IFIT5: variants seen among roughly 807,000 people sequenced by gnomAD.
IFIT5 encodes the protein interferon induced protein with tetratricopeptide repeats 5, also known as interferon-induced protein with tetratricopeptide repeats 5.
Under a neutral mutation model 5.0 loss-of-function variants are expected in IFIT5, and 2 were observed. The observed-to-expected ratio is 0.40, with a 90% confidence interval of 0.16 to 1.26. IFIT5 has a LOEUF of 1.26. Among genes scored for constraint, IFIT5 ranks in the 50% most tolerant of loss-of-function variants. IFIT5 has a pLI of 0.33. For synonymous variants in IFIT5, 206 were observed against 204.6 expected, an observed-to-expected ratio of 1.01 and a Z score of -0.06; for missense variants, 524 against 563.2, an observed-to-expected ratio of 0.93 and a Z score of 0.70.
At position 89,417,627 on chromosome 10, in the gene IFIT5, A is replaced by G; in HGVS notation, c.428A>G (p.Glu143Gly). The change falls in exon 2 of 2, where the codon GAG becomes GGG. Residue 143 changes from glutamate (E) to glycine (G), a missense_variant. Coordinates refer to ENST00000371795, the MANE Select transcript of IFIT5 (RefSeq NM_012420.3). ...TTGGAGTGTCCTGAGACTGACTGTG[A>G]GAAAGGCTGGGCACTCTTGAAATTT... ...YKLECPETDC[E>G]KGWALLKFGG... 1.2e-6 allele frequency: 2 copies of G among 1,614,236 alleles called. No individual in the cohort carries two copies. Among genetic ancestry groups the G allele is most frequent in the Non-Finnish European group, 1.7e-6 (2 of 1,180,046 alleles).
Position 89,418,572 on chromosome 10 carries a change from A to G in IFIT5, c.1373A>G (p.Tyr458Cys), listed in dbSNP as rs1171490353. The G allele has an allele frequency of 1.2e-6, 2 of 1,614,160 alleles. No individual in the cohort carries two copies. The highest frequency in any genetic ancestry group is 2.2e-5 in the South Asian group (2 of 91,080). The part of the protein sequence containing the change: ...EGEKRQAAEY[Y>C]EKAQKIDPEN... ...GAAAAGAGGCAAGCTGCTGAGTACT[A>G]TGAGAAGGCACAAAAGATAGATCCA... is the stretch of plus-strand genomic sequence containing the variant. Residue 458 changes from tyrosine to cysteine, a missense_variant, in exon 2 of 2, where the codon TAT (tyrosine) becomes TGT (cysteine). By Grantham distance (194) the Tyr-to-Cys change is radical (BLOSUM62 -2). Transcript: ENST00000371795.
intron 1 of IFIT5, among the ~76,000 whole-genome samples, chr10:89,415,179 C>T (rs1329514656): frequency 6.6e-6 from 1 of 152,222 alleles, no homozygotes; most frequent in Non-Finnish European, 1.5e-5. Context: ...GCCTGTCCAC[C>T]CATCGCGACC....
At position 89,420,170 on chromosome 10, in the gene IFIT5, C is replaced by CAT. The variant is rs1841584549; in HGVS notation, c.*1528_*1529dup. On this transcript the variant is annotated 3_prime_UTR_variant, in exon 2 of 2. Coordinates refer to ENST00000371795, the MANE Select transcript of IFIT5 (RefSeq NM_012420.3). ...TTTTTTCTATGCGTAATCAGACATA[C>CAT]ATATATACTGCAGTGTATCTCACGT... The CAT allele has an allele frequency of 6.6e-6, 1 of 152,122 alleles. No homozygotes were observed. The highest frequency in any genetic ancestry group is 2.4e-5 in the African/African-American group (1 of 41,432). 9.4% of individuals were successfully genotyped at this position (152,122 alleles called of 1,614,324 possible).
At chr10:89,415,619 G>A (rs2133651132) in intron 1 of IFIT5, among the ~76,000 whole-genome samples, 1 of 152,278 alleles carries the variant, frequency 6.6e-6, no homozygotes, top group South Asian at 2.1e-4. Flanking sequence ...CGCCCTGCAC[G>A]TGGTTAGTGA....
In IFIT5 at chr10:89,417,600, A is replaced by T. The variant is rs145756702; in HGVS notation, c.401A>T (p.Lys134Met). 159 of 1,614,224 alleles carry T rather than the reference A, an allele frequency of 9.8e-5. No individual in the cohort carries two copies. The highest frequency in any genetic ancestry group is 1.6e-4 in the Middle Eastern group (1 of 6,062). ...AAATTGTCCAGTCCTTCTAACTACA[A>T]GTTGGAGTGTCCTGAGACTGACTGT... The part of the protein sequence containing the change: ...CKKLSSPSNY[K>M]LECPETDCEK... The change falls in exon 2 of 2, where the codon AAG (lysine) becomes ATG (methionine). Residue 134 changes from lysine (K) to methionine (M), a missense_variant. By Grantham distance (95) the Lys-to-Met change is moderately conservative (BLOSUM62 -1). Coordinates refer to ENST00000371795, the MANE Select transcript of IFIT5 (RefSeq NM_012420.3).
chr10:89,417,200 G>A lies in IFIT5; in HGVS notation c.6-5G>A. On this transcript the variant is annotated splice_polypyrimidine_tract_variant and splice_region_variant and intron_variant, in intron 1 of 1. Transcript: ENST00000371795. ...AAAAATTAAAAAGTATTTTATCTTTGACAGTGAAATTCGTAAGGACACCTT... is the reference window on the plus strand; with the variant it reads ...AAAAATTAAAAAGTATTTTATCTTTAACAGTGAAATTCGTAAGGACACCTT... 1 of 1,560,176 alleles carries A rather than the reference G, an allele frequency of 6.4e-7. No homozygotes were observed.
At chr10:89,416,048 G>A (rs917197638) in intron 1 of IFIT5, among the ~76,000 whole-genome samples, 1 of 152,062 alleles carries the variant, frequency 6.6e-6, no homozygotes, top group African/African-American at 2.4e-5. Flanking sequence ...TCAGCTTCCC[G>A]TGTAGCTGGG....
chr10:89,417,806 C>T lies in IFIT5; in HGVS notation c.607C>T (p.Pro203Ser), dbSNP rs138567361. 3.1e-6 allele frequency: 5 copies of T among 1,613,972 alleles called. No homozygotes were observed. Among genetic ancestry groups the T allele is most frequent in the Admixed American group, 3.3e-5 (2 of 60,000 alleles). ...EGSVKSFSLGPLRKAVTLNPD... is the reference protein window; with the variant it reads ...EGSVKSFSLGSLRKAVTLNPD... ...GTCTGTAAAGAGCTTTTCTCTGGGG[C>T]CTTTGAGAAAGGCTGTTACCCTGAA... Residue 203 changes from proline (P) to serine (S), a missense_variant, in exon 2 of 2, where the codon CCT (proline) becomes TCT (serine). By Grantham distance (74) the Pro-to-Ser change is moderately conservative. Coordinates refer to ENST00000371795, the MANE Select transcript of IFIT5 (RefSeq NM_012420.3).
rs537774876 is a variant in IFIT5 at position 89,418,584 on chromosome 10, A to G, written c.1385A>G (p.Gln462Arg). The change falls in exon 2 of 2, where the codon CAA becomes CGA. Residue 462 changes from glutamine (Q) to arginine (R), a missense_variant. Gln to Arg is a conservative substitution (Grantham distance 43, BLOSUM62 1). Transcript: ENST00000371795. ...GCTGCTGAGTACTATGAGAAGGCAC[A>G]AAAGATAGATCCAGAAAATGCAGAA... The part of the protein sequence containing the change: ...RQAAEYYEKA[Q>R]KIDPENAEFL... 6.2e-7 allele frequency: 1 copy of G among 1,614,172 alleles called. No individual in the cohort carries two copies. Among genetic ancestry groups the G allele is most frequent in the Admixed American group, 1.7e-5 (1 of 60,030 alleles).
At position 89,417,806 on chromosome 10, in the gene IFIT5, C is replaced by A. The variant is rs138567361; in HGVS notation, c.607C>A (p.Pro203Thr). ...EGSVKSFSLG[P>T]LRKAVTLNPD... ...GTCTGTAAAGAGCTTTTCTCTGGGG[C>A]CTTTGAGAAAGGCTGTTACCCTGAA... Residue 203 changes from proline (P) to threonine (T), a missense_variant, in exon 2 of 2, where the codon CCT becomes ACT. By Grantham distance (38) the Pro-to-Thr change is conservative (BLOSUM62 -1). Transcript: ENST00000371795. 1.2e-4 allele frequency: 193 copies of A among 1,613,972 alleles called. No homozygotes were observed. The highest frequency in any genetic ancestry group is 1.6e-4 in the Non-Finnish European group (183 of 1,180,018).
rs761267068 is a variant in IFIT5 at position 89,417,985 on chromosome 10, A to AAATTC, written c.787_791dup (p.Trp265IlefsTer10). On this transcript the variant is annotated frameshift_variant, in exon 2 of 2. Coordinates refer to ENST00000371795, the MANE Select transcript of IFIT5 (RefSeq NM_012420.3). LOFTEE classifies it low-confidence loss of function (END_TRUNC). ...ATGCAGCCAAGTTCTATAGGAGAAA[A>AAATTC]AATTCCTGGAACAAAGCTCTCGAAC... The AAATTC allele has an allele frequency of 1.6e-5, 26 of 1,614,050 alleles. No individual in the cohort carries two copies. The highest frequency in any genetic ancestry group is 2.1e-5 in the Non-Finnish European group (25 of 1,180,030).
In IFIT5 at chr10:89,419,425, A is replaced by G. The variant is rs1841578088; in HGVS notation, c.*777A>G. The G allele has an allele frequency of 6.6e-6, 1 of 152,092 alleles. No homozygotes were observed. Among genetic ancestry groups the G allele is most frequent in the Non-Finnish European group, 1.5e-5 (1 of 68,008 alleles). 9.4% of individuals were successfully genotyped at this position (152,092 alleles called of 1,614,324 possible). On this transcript the variant is annotated 3_prime_UTR_variant, in exon 2 of 2. Coordinates refer to ENST00000371795, the MANE Select transcript of IFIT5 (RefSeq NM_012420.3). ...GATGCAATTAATTTTATTCCTTCCA[A>G]CTAAAATTACAATATTTTTAGGTTA...
In IFIT5 at chr10:89,417,603, T is replaced by C; in HGVS notation, c.404T>C (p.Leu135Ser). 6.2e-7 allele frequency: 1 copy of C among 1,614,236 alleles called. No individual in the cohort carries two copies. ...TTGTCCAGTCCTTCTAACTACAAGT[T>C]GGAGTGTCCTGAGACTGACTGTGAG... ...KKLSSPSNYK[L>S]ECPETDCEKG... Residue 135 changes from leucine (L) to serine (S), a missense_variant, in exon 2 of 2, where the codon TTG (leucine) becomes TCG (serine). Leu to Ser is a moderately radical substitution (Grantham distance 145). Coordinates refer to ENST00000371795, the MANE Select transcript of IFIT5 (RefSeq NM_012420.3).
chr10:89,420,488 G>T lies in IFIT5; in HGVS notation c.*1840G>T, dbSNP rs1448271639. The stretch of plus-strand genomic sequence containing the variant: ...TACTCAGACAGTTAATCATAGAAAA[G>T]ATTATTTGCTTCATCAGTTCATAGA... On this transcript the variant is annotated 3_prime_UTR_variant, in exon 2 of 2. Transcript: ENST00000371795. The T allele has an allele frequency of 4.6e-5, 7 of 152,260 alleles. No homozygotes were observed. The South Asian group carries it at 1.5e-3, about 32-fold the overall frequency. 9.4% of individuals were successfully genotyped at this position (152,260 alleles called of 1,614,324 possible).
rs2133656681 is a variant in IFIT5 at position 89,420,013 on chromosome 10, C to T, written c.*1365C>T. ...GATTATTATAAAAATAATGAATTCT[C>T]ACTGTAAATTTCAAAAAAAAATTAC... On this transcript the variant is annotated 3_prime_UTR_variant, in exon 2 of 2. Transcript: ENST00000371795. The T allele has an allele frequency of 8.9e-6, 1 of 112,130 alleles. No homozygotes were observed. The highest frequency in any genetic ancestry group is 4.5e-3 in the Middle Eastern group (1 of 222). 6.9% of individuals were successfully genotyped at this position (112,130 alleles called of 1,614,324 possible).
chr10:89,415,194 G>C (rs1294671369), intron 1 of IFIT5, among the ~76,000 whole-genome samples: 2 of 152,188 alleles, frequency 1.3e-5, no homozygotes, highest in Middle Eastern at 3.2e-3. Flanking sequence ...GCGACCCGAC[G>C]GCTCTTCTCG....
rs1841578077 is a variant in IFIT5, at chr10:89,419,423, C to A, written c.*775C>A. The A allele has an allele frequency of 6.6e-6, 1 of 151,064 alleles. No homozygotes were observed. The allele number at this position is 151,064 out of a possible 1,614,324, so 9.4% of individuals were successfully genotyped here. A position where few individuals can be genotyped will look rare whatever the true frequency, so the allele number is the denominator to read the frequency against. On this transcript the variant is annotated 3_prime_UTR_variant, in exon 2 of 2. Transcript: ENST00000371795. ...TAGATGCAATTAATTTTATTCCTTCCAACTAAAATTACAATATTTTTAGGT... is the reference window on the plus strand; with the variant it reads ...TAGATGCAATTAATTTTATTCCTTCAAACTAAAATTACAATATTTTTAGGT...
At chr10:89,414,841 GTCGGCCTTGGTT>G (rs1564816430) in intron 1 of IFIT5, 38 bp downstream of exon 1, 10 of 1,603,978 alleles carry the variant, frequency 6.2e-6, no homozygotes, top group Non-Finnish European at 8.5e-6. Flanking sequence ...CAAGCCCTGC[GTCGGCCTTGGTT>G]TCAAACCGGG....
At position 89,418,681 on chromosome 10, in the gene IFIT5, TC is replaced by T. The variant is rs749176785; in HGVS notation, c.*36del. On this transcript the variant is annotated 3_prime_UTR_variant, in exon 2 of 2. Coordinates refer to ENST00000371795, the MANE Select transcript of IFIT5 (RefSeq NM_012420.3). ...CTCTAGGAAATTAGCTCTAAGTTTT[TC>T]CCTTCATTTTGGGTTCTCCTGTTTG... The T allele has an allele frequency of 3.2e-6, 5 of 1,551,010 alleles. No individual in the cohort carries two copies. The highest frequency in any genetic ancestry group is 3.5e-6 in the Non-Finnish European group (4 of 1,153,176).
Sources: gnomAD v4.1 joint callset for allele counts (sites outside exome capture counted in the v4.1 genomes callset) on GRCh38, gnomAD v4.1.1 for gene constraint, MANE v1.5 for transcripts, NCBI Gene and HGNC (gene_info 2026-07-23, HGNC 2026-07-21) for gene names.